Variants in UNC13C observed in about 807,000 individuals in gnomAD.
UNC13C encodes unc-13 homolog C.
UNC13C carries 174 observed loss-of-function variants against 245.4 expected under a neutral mutation model. The ratio of observed to expected loss-of-function variants is 0.71; its 90% CI spans 0.63 to 0.80. The LOEUF is 0.80. UNC13C is among the 30% of genes least tolerant of loss of function. UNC13C has a pLI of 0.00. For missense variants in UNC13C, 2,829 were observed against 2,602.9 expected, an observed-to-expected ratio of 1.09 and a Z score of -1.89; for synonymous variants, 992 against 895.1, an observed-to-expected ratio of 1.11 and a Z score of -1.93.
chr15:54,148,271 A>G (rs941381659), intron 4 of UNC13C, among the ~76,000 whole-genome samples: 2 of 152,196 alleles, frequency 1.3e-5, no homozygotes, highest in African/African-American at 4.8e-5. Context: ...AGGTTGTTCA[A>G]TTATCACCAG....
In UNC13C at chr15:54,377,300, T is replaced by G. The variant is rs59474491; in HGVS notation, c.4714-15748T>G. On this transcript the variant is annotated intron_variant, in intron 17 of 32. Transcript: ENST00000260323. Reference sequence around the variant, plus strand: ...GATCAATTCTGCCATATTCTATTGGTCAAAGTCACCCATGTTCAAGGGGAG... The same window carrying G: ...GATCAATTCTGCCATATTCTATTGGGCAAAGTCACCCATGTTCAAGGGGAG... Among the ~76,000 whole-genome samples the G allele has an allele frequency of 9.5e-3, 1,452 of 152,252 alleles. 22 individuals carry two copies. The highest frequency in any genetic ancestry group is 0.034 in the African/African-American group (1,396 of 41,540).
intron 26 of UNC13C, among the ~76,000 whole-genome samples, chr15:54,546,203 GC>G (rs1249762158): frequency 6.6e-6 from 1 of 152,142 alleles, no homozygotes; most frequent in Non-Finnish European, 1.5e-5. Flanking sequence ...ATCATTCTCA[GC>G]AAACTAACAC....
chr15:54,356,450 G>C (rs948110779), intron 17 of UNC13C, among the ~76,000 whole-genome samples: 1 of 152,002 alleles, frequency 6.6e-6, no homozygotes, highest in Non-Finnish European at 1.5e-5. Context: ...CCTTAGACTG[G>C]GTAATTAATA....
At chr15:54,045,027 C>T (rs1056504233) in intron 2 of UNC13C, among the ~76,000 whole-genome samples, 9 of 151,972 alleles carry the variant, frequency 5.9e-5, no homozygotes, top group Non-Finnish European at 1.2e-4. Context: ...TGTGAGTTGT[C>T]TTTTCATTTT....
At chr15:53,880,696 C>CT in the UNC13C span, among the ~76,000 whole-genome samples, 9,993 of 141,262 alleles carry the variant, frequency 0.071, 982 homozygotes, top group African/African-American at 0.23. Flanking sequence ...GCTTTGTCAT[C>CT]TTTTTTTTTT....
chr15:54,124,492 G>T (rs185194143), intron 2 of UNC13C, among the ~76,000 whole-genome samples: 1 of 152,122 alleles, frequency 6.6e-6, no homozygotes, highest in Admixed American at 6.5e-5. Context: ...GATTTTTTCT[G>T]TTGAATTTTG....
the UNC13C span, among the ~76,000 whole-genome samples, chr15:53,952,370 C>T: frequency 6.6e-6 from 1 of 152,108 alleles, no homozygotes; most frequent in Admixed American, 6.6e-5. Context: ...AGGTTACACA[C>T]AAATAAAAAG....
intron 17 of UNC13C, among the ~76,000 whole-genome samples, chr15:54,350,659 A>T (rs2038961988): frequency 6.6e-6 from 1 of 152,132 alleles, no homozygotes; most frequent in African/African-American, 2.4e-5. Context: ...CAAGTATAAA[A>T]CTCAGATTTA....
the UNC13C span, among the ~76,000 whole-genome samples, chr15:53,858,285 G>A: frequency 6.6e-6 from 1 of 152,116 alleles, no homozygotes; most frequent in South Asian, 2.1e-4. Context: ...GTTTGCTTAG[G>A]AATAGTATTA....
the UNC13C span, chr15:53,913,891 C>T: frequency 2.0e-5 from 3 of 152,202 alleles, no homozygotes; most frequent in African/African-American, 7.2e-5. Flanking sequence ...GTACTAACAC[C>T]ATATGGGTTA....
intron 2 of UNC13C, among the ~76,000 whole-genome samples, chr15:54,051,697 G>A (rs555936824): frequency 6.5e-4 from 98 of 149,632 alleles, no homozygotes; most frequent in East Asian, 1.9e-4. Context: ...GCTGGCATTC[G>A]TGTTTTCCAG....
At chr15:54,212,288 C>T (rs191641406) in intron 4 of UNC13C, among the ~76,000 whole-genome samples, 29 of 152,132 alleles carry the variant, frequency 1.9e-4, no homozygotes, top group Admixed American at 1.2e-3. Context: ...AGCAGGCATG[C>T]GCCCAAAGGA....
chr15:54,592,227 T>C (rs1596632515), intron 30 of UNC13C, among the ~76,000 whole-genome samples: 1 of 152,186 alleles, frequency 6.6e-6, no homozygotes, highest in East Asian at 1.9e-4. Flanking sequence ...ATGGTCTATC[T>C]TGGAGAAAGT....
chr15:53,890,936 G>A, the UNC13C span, among the ~76,000 whole-genome samples: 14 of 152,124 alleles, frequency 9.2e-5, no homozygotes, highest in East Asian at 2.3e-3. Context: ...TGCTTTCCTA[G>A]TTCTTTTAAT....
At chr15:54,531,603 T>C (rs1895736584) in intron 25 of UNC13C, among the ~76,000 whole-genome samples, 1 of 151,010 alleles carries the variant, frequency 6.6e-6, no homozygotes, top group South Asian at 2.1e-4. Flanking sequence ...AGTCACAGAA[T>C]CCAAATGAAG....
chr15:54,481,452 G>A (rs1046701986), intron 19 of UNC13C, among the ~76,000 whole-genome samples: 1 of 152,168 alleles, frequency 6.6e-6, no homozygotes, highest in African/African-American at 2.4e-5. Context: ...GTGGGGGACA[G>A]GGTGAGCTGA....
At chr15:54,087,841 C>G (rs11071032) in intron 2 of UNC13C, among the ~76,000 whole-genome samples, 7,301 of 152,146 alleles carry the variant, frequency 0.048, 285 homozygotes, top group South Asian at 0.14. Flanking sequence ...CAGAGACTTT[C>G]CTGATTGAGG....
At chr15:53,867,040 C>T in the UNC13C span, among the ~76,000 whole-genome samples, 1 of 152,148 alleles carries the variant, frequency 6.6e-6, no homozygotes, top group Non-Finnish European at 1.5e-5. Context: ...GTTCAACATC[C>T]ATTTCTGAGG....
At chr15:53,882,618 T>C in the UNC13C span, among the ~76,000 whole-genome samples, 2 of 152,280 alleles carry the variant, frequency 1.3e-5, no homozygotes, top group African/African-American at 4.8e-5. Context: ...AAGCATAATT[T>C]ACATTTATTG....
Sources: allele counts gnomAD v4.1 joint callset (sites outside exome capture counted in the v4.1 genomes callset), GRCh38; gene constraint gnomAD v4.1.1; transcripts MANE v1.5; gene names NCBI Gene and HGNC (gene_info 2026-07-23, HGNC 2026-07-21).